EPS15: variants seen among roughly 807,000 people sequenced by gnomAD.
The protein encoded by EPS15 is epidermal growth factor receptor pathway substrate 15.
EPS15 carries 72 observed loss-of-function variants against 113.8 expected under a neutral mutation model. The ratio of observed to expected loss-of-function variants is 0.63; its 90% CI spans 0.52 to 0.77. The LOEUF is 0.77. Among genes scored for constraint, EPS15 ranks in the 30% least tolerant of loss-of-function variants. The pLI is 0.00. For synonymous variants in EPS15, 344 were observed against 363.4 expected, an observed-to-expected ratio of 0.95 and a Z score of 0.61; for missense variants, 1,048 against 1,045.8, an observed-to-expected ratio of 1.00 and a Z score of -0.03.
At position 51,356,241 on chromosome 1, in the gene EPS15, AGAAAT is replaced by A. The variant is rs1044283370; in HGVS notation, c.*454_*458del. 2.9e-4 allele frequency: 63 copies of A among 219,516 alleles called. No individual in the cohort carries two copies. Among genetic ancestry groups the A allele is most frequent in the African/African-American group, 1.4e-3 (61 of 44,662 alleles). The allele number at this position is 219,516 out of a possible 1,614,324, so 13.6% of individuals were successfully genotyped here. A position where few individuals can be genotyped will look rare whatever the true frequency, so the allele number is the denominator to read the frequency against. ...TTAGCCAATTTGCACCAATCATAAA[AGAAAT>A]AAGATATTCTTTCCCTTACCCTCAC... On this transcript the variant is annotated 3_prime_UTR_variant, in exon 25 of 25. Transcript: ENST00000371733.
chr1:51,508,186 GAGAAAAGAAAAGAAAAGAAAAGAAA>G (rs763482561), intron 1 of EPS15, among the ~76,000 whole-genome samples: 881 of 81,080 alleles, frequency 0.011, 8 homozygotes, highest in Admixed American at 0.025. Context: ...GTCACAAAAA[GAGAAAAGAAAAGAAAAGAAAAGAAA>G]AGAAAAGAAA....
intron 12 of EPS15, among the ~76,000 whole-genome samples, chr1:51,429,755 A>G (rs1191873712): frequency 6.6e-6 from 1 of 150,820 alleles, no homozygotes; most frequent in African/African-American, 2.4e-5. Context: ...CATTCAAGTG[A>G]TTCTCCTGCC....
At chr1:51,488,805 C>G (rs1644174772) in intron 1 of EPS15, among the ~76,000 whole-genome samples, 1 of 152,152 alleles carries the variant, frequency 6.6e-6, no homozygotes, top group African/African-American at 2.4e-5. Context: ...ACCTACATTT[C>G]CCAACCTCTC....
chr1:51,503,323 CG>C (rs1309953342), intron 1 of EPS15, among the ~76,000 whole-genome samples: 4 of 151,882 alleles, frequency 2.6e-5, no homozygotes, highest in Non-Finnish European at 5.9e-5. Context: ...CCGGAATAGC[CG>C]AAACAATCTT....
At chr1:51,395,613 C>T (rs986834509) in intron 20 of EPS15, among the ~76,000 whole-genome samples, 1 of 152,152 alleles carries the variant, frequency 6.6e-6, no homozygotes, top group African/African-American at 2.4e-5. Flanking sequence ...GGATCAAGAG[C>T]AACTGATCTT....
At chr1:51,474,080 C>T (rs1446262644) in intron 2 of EPS15, among the ~76,000 whole-genome samples, 1 of 152,216 alleles carries the variant, frequency 6.6e-6, no homozygotes, top group Non-Finnish European at 1.5e-5. Flanking sequence ...CTTATGAAAT[C>T]ATTATGTACT....
At chr1:51,511,899 A>G (rs1000827527) in intron 1 of EPS15, among the ~76,000 whole-genome samples, 6 of 152,320 alleles carry the variant, frequency 3.9e-5, no homozygotes, top group Admixed American at 3.9e-4. Flanking sequence ...TTATATTCCC[A>G]TTGTAATAAT....
chr1:51,439,444 A>G (rs1458530155), intron 12 of EPS15, among the ~76,000 whole-genome samples: 2 of 152,212 alleles, frequency 1.3e-5, no homozygotes, highest in East Asian at 1.9e-4. Flanking sequence ...AAAATAAAGT[A>G]TATCAGCCAT....
At chr1:51,457,000 G>C (rs1315961819) in intron 8 of EPS15, among the ~76,000 whole-genome samples, 3 of 152,024 alleles carry the variant, frequency 2.0e-5, no homozygotes, top group African/African-American at 2.4e-5. Context: ...AGAACATGAG[G>C]GGGGGCCAGG....
intron 21 of EPS15, among the ~76,000 whole-genome samples, chr1:51,391,748 T>G (rs1647390147): frequency 6.6e-6 from 1 of 152,134 alleles, no homozygotes; most frequent in South Asian, 2.1e-4. Context: ...CCTGACAGAT[T>G]AGAGACAGAG....
chr1:51,483,297 T>C (rs1236150744), intron 1 of EPS15, among the ~76,000 whole-genome samples: 1 of 152,232 alleles, frequency 6.6e-6, no homozygotes, highest in East Asian at 1.9e-4. Flanking sequence ...ACTATTTCAC[T>C]ATTAGTTTTG....
At chr1:51,438,432 T>C (rs1652330728) in intron 12 of EPS15, among the ~76,000 whole-genome samples, 1 of 152,180 alleles carries the variant, frequency 6.6e-6, no homozygotes, top group Admixed American at 6.5e-5. Context: ...TAACAAATAA[T>C]GTTTTCAACA....
At chr1:51,465,999 T>C (rs940277679) in intron 5 of EPS15, among the ~76,000 whole-genome samples, 2 of 148,972 alleles carry the variant, frequency 1.3e-5, no homozygotes, top group Admixed American at 6.8e-5. Context: ...GGCCATCTCT[T>C]AAAATTTAAA....
intron 19 of EPS15, among the ~76,000 whole-genome samples, chr1:51,400,712 C>CAAAAAAAAAAA (rs375748381): frequency 2.5e-4 from 15 of 60,160 alleles, no homozygotes; most frequent in African/African-American, 5.9e-4. Context: ...CAAAAAACAC[C>CAAAAAAAAAAA]AAAAAAAAAA....
intron 1 of EPS15, among the ~76,000 whole-genome samples, chr1:51,516,722 A>T (rs1392406621): frequency 6.6e-6 from 1 of 152,218 alleles, no homozygotes; most frequent in East Asian, 1.9e-4. Context: ...CATAATAGGT[A>T]CTATAAAAAT....
intron 1 of EPS15, among the ~76,000 whole-genome samples, chr1:51,498,182 A>G (rs1644357903): frequency 6.6e-6 from 1 of 152,144 alleles, no homozygotes; most frequent in Non-Finnish European, 1.5e-5. Context: ...CACTTATCCA[A>G]CTCATAAAAG....
intron 1 of EPS15, among the ~76,000 whole-genome samples, chr1:51,512,979 C>T (rs1195210607): frequency 6.6e-6 from 1 of 151,466 alleles, no homozygotes; most frequent in East Asian, 1.9e-4. Flanking sequence ...CGGGCACACA[C>T]CACCATGCCC....
chr1:51,450,341 C>T (rs1211360747), intron 8 of EPS15, among the ~76,000 whole-genome samples: 1 of 151,714 alleles, frequency 6.6e-6, no homozygotes, highest in Non-Finnish European at 1.5e-5. Context: ...CACAGTTCTG[C>T]AGGGTGTACC....
intron 13 of EPS15, among the ~76,000 whole-genome samples, chr1:51,419,643 CTCTT>C (rs1027626796): frequency 2.6e-5 from 4 of 152,108 alleles, no homozygotes; most frequent in African/African-American, 9.7e-5. Context: ...GAAATACACT[CTCTT>C]TGATTCTGCC....
Sources: gnomAD v4.1 joint callset for allele counts (sites outside exome capture counted in the v4.1 genomes callset) on GRCh38, gnomAD v4.1.1 for gene constraint, MANE v1.5 for transcripts, NCBI Gene and HGNC (gene_info 2026-07-23, HGNC 2026-07-21) for gene names.